The following COL9A1 variants were observed in gnomAD, a reference collection of about 807,000 sequenced individuals.
COL9A1 encodes the protein collagen alpha-1(IX) chain.
Under a neutral mutation model 142.6 loss-of-function variants are expected in COL9A1, and 104 were observed. The ratio of observed to expected loss-of-function variants is 0.73; its 90% CI spans 0.62 to 0.86. COL9A1 has a LOEUF of 0.86. Ranked by LOEUF, COL9A1 falls within the 40% of genes least tolerant of loss-of-function variation. COL9A1 has a pLI of 0.00. For synonymous variants in COL9A1, 466 were observed against 396.0 expected (o/e 1.18, Z -2.10); for missense variants, 1,210 against 1,176.6 (o/e 1.03, Z -0.42).
At chr6:70,283,072 T>C in intron 6 of COL9A1, 154 bp from the exon 7 acceptor site, 4 of 1,578,918 alleles carry the variant, frequency 2.5e-6, no homozygotes. Context: ...CCGCCGCTAA[T>C]CCCTTGGCCC....
At chr6:70,276,106 A>G (rs1415425205) in intron 10 of COL9A1, among the ~76,000 whole-genome samples, 1 of 152,168 alleles carries the variant, frequency 6.6e-6, no homozygotes, top group Non-Finnish European at 1.5e-5. Flanking sequence ...TATTAAACAC[A>G]CACAAAAGAA....
At chr6:70,227,411 T>C (rs992502196) in intron 36 of COL9A1, among the ~76,000 whole-genome samples, 1 of 15,258 alleles carries the variant, frequency 6.6e-5, no homozygotes, top group African/African-American at 3.4e-4. Flanking sequence ...CATAACAAAA[T>C]AAATGCAAAT....
intron 19 of COL9A1, among the ~76,000 whole-genome samples, chr6:70,262,266 G>A (rs979067712): frequency 9.9e-5 from 15 of 152,078 alleles, no homozygotes; most frequent in African/African-American, 3.4e-4. Flanking sequence ...TCAGGGGAGG[G>A]CAAACTTCTG....
chr6:70,257,873 T>C (rs1771421234), intron 20 of COL9A1, among the ~76,000 whole-genome samples: 1 of 152,194 alleles, frequency 6.6e-6, no homozygotes. Context: ...CATCAAGATC[T>C]GGAATAAGAA....
chr6:70,235,063 T>C, intron 33 of COL9A1, 123 bp from the exon 34 acceptor site: 1 of 1,224,452 alleles, frequency 8.2e-7, no homozygotes, highest in African/African-American at 1.5e-5. Context: ...ACAGGTGTTC[T>C]TTCAGAGGTT....
intron 17 of COL9A1, among the ~76,000 whole-genome samples, chr6:70,268,440 C>A (rs1436287416): frequency 1.3e-5 from 2 of 152,160 alleles, no homozygotes; most frequent in African/African-American, 4.8e-5. Flanking sequence ...GTCTCAAACT[C>A]CTGGGTTTAA....
rs1402705026 is a variant in COL9A1 at position 70,282,963 on chromosome 6, A to C, written c.781-45T>G. ...GAGAAAGTGAGAAAAGCACCCCTCA[A>C]ACTCGATCGCAACTTACTTGAGCCG... On this transcript the variant is annotated intron_variant, in intron 6 of 37. Transcript: ENST00000357250. 5 of 1,614,110 alleles carry C rather than the reference A, an allele frequency of 3.1e-6. No individual in the cohort carries two copies. In the South Asian group the frequency reaches 5.5e-5, roughly 18 times the overall value.
At chr6:70,242,861 GT>G in intron 28 of COL9A1, 146 bp from the exon 29 acceptor site, 1 of 737,066 alleles carries the variant, frequency 1.4e-6, no homozygotes, top group South Asian at 1.5e-5. Context: ...AGCATCCTGT[GT>G]TCATCTTGCA....
At chr6:70,260,566 A>AAAT in intron 20 of COL9A1, 91 bp downstream of exon 20, 4 of 1,011,374 alleles carry the variant, frequency 4.0e-6, no homozygotes, top group Non-Finnish European at 4.4e-6. Flanking sequence ...AAAAAAAAAA[A>AAAT]GTTGTTGAAG....
At chr6:70,215,564 A>C (rs1225613131), downstream of COL9A1, 1 of 152,270 alleles carries the variant, frequency 6.6e-6, no homozygotes, top group Non-Finnish European at 1.5e-5. Context: ...AGTAGATGTT[A>C]ATGAAACAGC....
chr6:70,288,360 C>G (rs949265667), intron 5 of COL9A1, among the ~76,000 whole-genome samples: 2 of 152,122 alleles, frequency 1.3e-5, no homozygotes, highest in African/African-American at 4.8e-5. Flanking sequence ...CTGTCTCTGC[C>G]TGAATTATTG....
intron 32 of COL9A1, among the ~76,000 whole-genome samples, chr6:70,239,877 A>G (rs1770135101): frequency 6.6e-6 from 1 of 152,224 alleles, no homozygotes; most frequent in African/African-American, 2.4e-5. Flanking sequence ...TTAACAGAAA[A>G]TGAAACTGGA....
intron 37 of COL9A1, among the ~76,000 whole-genome samples, chr6:70,217,891 A>G (rs1768627114): frequency 1.3e-5 from 2 of 152,204 alleles, no homozygotes; most frequent in Non-Finnish European, 2.9e-5. Flanking sequence ...CTGTAATCCC[A>G]GCACTTTGGG....
At chr6:70,259,346 C>G (rs535243134) in intron 20 of COL9A1, among the ~76,000 whole-genome samples, 53 of 152,268 alleles carry the variant, frequency 3.5e-4, no homozygotes, top group African/African-American at 1.3e-3. Flanking sequence ...AGAATGAGGT[C>G]AGGGTCAGAA....
intron 20 of COL9A1, among the ~76,000 whole-genome samples, chr6:70,259,143 C>A (rs942463888): frequency 6.6e-6 from 1 of 151,958 alleles, no homozygotes; most frequent in Non-Finnish European, 1.5e-5. Context: ...GGAAAAAAAA[C>A]ATTAAATTGA....
chr6:70,302,818 C>G, intron 1 of COL9A1, 93 bp downstream of exon 1: 1 of 1,380,418 alleles, frequency 7.2e-7, no homozygotes, highest in Non-Finnish European at 1.0e-6. Flanking sequence ...CTCACCTACT[C>G]TCATCTTACC....
At chr6:70,240,947 T>C (rs1232261556) in intron 31 of COL9A1, among the ~76,000 whole-genome samples, 1 of 152,162 alleles carries the variant, frequency 6.6e-6, no homozygotes, top group Non-Finnish European at 1.5e-5. Flanking sequence ...AGGCTGAGTT[T>C]CAGCTAGAAT....
chr6:70,297,537 T>C (rs552724252), intron 4 of COL9A1, among the ~76,000 whole-genome samples: 156 of 152,300 alleles, frequency 1.0e-3, no homozygotes, highest in Non-Finnish European at 1.9e-3. Context: ...AGCTCCATTG[T>C]CTTTTCTTGG....
At chr6:70,276,504 G>A (rs903158573) in intron 10 of COL9A1, among the ~76,000 whole-genome samples, 1 of 151,972 alleles carries the variant, frequency 6.6e-6, no homozygotes, top group Non-Finnish European at 1.5e-5. Flanking sequence ...GCTGTTTTTC[G>A]GTTACTTCAT....
Sources: gnomAD v4.1 joint callset for allele counts (sites outside exome capture counted in the v4.1 genomes callset) on GRCh38, gnomAD v4.1.1 for gene constraint, MANE v1.5 for transcripts, NCBI Gene and HGNC (gene_info 2026-07-23, HGNC 2026-07-21) for gene names.